CACNA2D3: variants seen among roughly 807,000 people sequenced by gnomAD.
CACNA2D3 encodes the protein calcium voltage-gated channel auxiliary subunit alpha2delta 3, also known as voltage-dependent calcium channel subunit alpha-2/delta-3.
Under a neutral mutation model 160.6 loss-of-function variants are expected in CACNA2D3, and 60 were observed. The ratio of observed to expected loss-of-function variants is 0.37; its 90% CI spans 0.30 to 0.46. The LOEUF (loss-of-function observed/expected upper bound fraction) is 0.46. Ranked by LOEUF, CACNA2D3 falls within the 20% of genes least tolerant of loss-of-function variation. CACNA2D3 has a pLI of 1.00. For missense variants in CACNA2D3, 1,205 were observed against 1,365.0 expected (o/e 0.88, Z 1.85); for synonymous variants, 558 against 492.9 (o/e 1.13, Z -1.75).
At chr3:54,289,651 CA>C (rs1294840787) in intron 2 of CACNA2D3, among the ~76,000 whole-genome samples, 2 of 152,212 alleles carry the variant, frequency 1.3e-5, no homozygotes, top group Non-Finnish European at 2.9e-5. Flanking sequence ...TACCTGACTT[CA>C]AACTATACAA....
chr3:54,776,115 C>T (rs2107120672), intron 13 of CACNA2D3, among the ~76,000 whole-genome samples: 1 of 152,254 alleles, frequency 6.6e-6, no homozygotes, highest in Non-Finnish European at 1.5e-5. Flanking sequence ...TCACTCTAGC[C>T]CATGGTTCCA....
At position 54,885,510 on chromosome 3, in the gene CACNA2D3, A is replaced by G. The variant is rs970805193; in HGVS notation, c.1980A>G (p.Leu660=). Residue 660 remains leucine (L), a synonymous_variant, in exon 23 of 38, where the codon CTA becomes CTG. Coordinates refer to ENST00000474759, the MANE Select transcript of CACNA2D3 (RefSeq NM_018398.3). The part of the protein sequence containing the change: ...ADEWSYCNTD[L]HPEHRHLSQL... ...TTAGGTCCTACTGCAACACTGACCT[A>G]CACCCTGAGCACCGCCATCTGTCTC... 1.2e-6 allele frequency: 2 copies of G among 1,613,660 alleles called. No individual in the cohort carries two copies. The highest frequency in any genetic ancestry group is 2.7e-5 in the African/African-American group (2 of 74,906).
At chr3:54,814,015 G>A (rs1036101253) in intron 13 of CACNA2D3, among the ~76,000 whole-genome samples, 2 of 151,782 alleles carry the variant, frequency 1.3e-5, no homozygotes, top group Non-Finnish European at 2.9e-5. Flanking sequence ...ACAGCCATGT[G>A]CCACCATTCC....
At chr3:55,027,786 C>T (rs1448485211) in intron 35 of CACNA2D3, among the ~76,000 whole-genome samples, 2 of 152,148 alleles carry the variant, frequency 1.3e-5, no homozygotes, top group African/African-American at 2.4e-5. Context: ...TCTCGCCTTC[C>T]GCAATGGAAC....
intron 9 of CACNA2D3, among the ~76,000 whole-genome samples, chr3:54,596,635 T>C (rs910702759): frequency 2.0e-5 from 3 of 152,062 alleles, no homozygotes; most frequent in African/African-American, 7.2e-5. Context: ...CTCTTGCTAG[T>C]ATGACCTCTT....
chr3:54,868,828 A>T (rs919308654), intron 17 of CACNA2D3, among the ~76,000 whole-genome samples: 1 of 152,222 alleles, frequency 6.6e-6, no homozygotes, highest in African/African-American at 2.4e-5. Context: ...ATTTTATTCA[A>T]TGAGCCTGTG....
intron 3 of CACNA2D3, among the ~76,000 whole-genome samples, chr3:54,358,122 G>C (rs1363334028): frequency 6.6e-6 from 1 of 152,172 alleles, no homozygotes; most frequent in Non-Finnish European, 1.5e-5. Context: ...GAAGAATATG[G>C]GAAATTGTGT....
At chr3:54,780,894 T>G (rs530624808) in intron 13 of CACNA2D3, among the ~76,000 whole-genome samples, 1 of 152,340 alleles carries the variant, frequency 6.6e-6, no homozygotes, top group East Asian at 1.9e-4. Context: ...TATTTGGCTT[T>G]CTGGTATGTA....
intron 2 of CACNA2D3, among the ~76,000 whole-genome samples, chr3:54,255,443 A>G (rs1344866429): frequency 6.6e-6 from 1 of 152,198 alleles, no homozygotes; most frequent in Non-Finnish European, 1.5e-5. Context: ...GTATTAATCT[A>G]CTTCTACTTG....
intron 17 of CACNA2D3, among the ~76,000 whole-genome samples, chr3:54,870,972 C>T (rs1699510857): frequency 1.3e-5 from 2 of 151,586 alleles, no homozygotes; most frequent in Admixed American, 6.6e-5. Flanking sequence ...GGGGATATGA[C>T]TAGATTCTTT....
At chr3:54,297,092 A>G (rs1050335329) in intron 2 of CACNA2D3, among the ~76,000 whole-genome samples, 1 of 152,186 alleles carries the variant, frequency 6.6e-6, no homozygotes, top group African/African-American at 2.4e-5. Context: ...TCTTTTAAAC[A>G]TGCACTGTTA....
At chr3:54,597,732 C>T (rs977724696) in intron 9 of CACNA2D3, among the ~76,000 whole-genome samples, 7 of 152,032 alleles carry the variant, frequency 4.6e-5, no homozygotes, top group Admixed American at 2.6e-4. Context: ...CCCTAGATCC[C>T]GAGTTGTCTA....
intron 17 of CACNA2D3, among the ~76,000 whole-genome samples, chr3:54,861,806 A>G (rs965983023): frequency 6.6e-6 from 1 of 152,144 alleles, no homozygotes; most frequent in African/African-American, 2.4e-5. Flanking sequence ...CTCTGATTAT[A>G]CTCACCCATT....
chr3:54,468,378 G>T (rs1001449396), intron 4 of CACNA2D3, among the ~76,000 whole-genome samples: 1 of 152,200 alleles, frequency 6.6e-6, no homozygotes, highest in Admixed American at 6.5e-5. Context: ...GGACTGTGCC[G>T]TGAGGAATGG....
At chr3:54,703,431 A>G (rs1352638170) in intron 11 of CACNA2D3, among the ~76,000 whole-genome samples, 1 of 152,128 alleles carries the variant, frequency 6.6e-6, no homozygotes, top group Non-Finnish European at 1.5e-5. Flanking sequence ...CTTGGGTGGT[A>G]TTACATTTTT....
At chr3:54,180,116 T>C (rs1340543898) in intron 2 of CACNA2D3, among the ~76,000 whole-genome samples, 1 of 147,966 alleles carries the variant, frequency 6.8e-6, no homozygotes, top group Non-Finnish European at 1.5e-5. Flanking sequence ...TTTTTTTTTG[T>C]TAAACCTTAT....
At chr3:54,466,270 AT>A (rs200645520) in intron 4 of CACNA2D3, among the ~76,000 whole-genome samples, 7 of 151,806 alleles carry the variant, frequency 4.6e-5, no homozygotes, top group East Asian at 1.9e-4. Flanking sequence ...TGTTGTATAA[AT>A]TTTTTTTTGA....
intron 11 of CACNA2D3, among the ~76,000 whole-genome samples, chr3:54,651,240 T>C (rs970186214): frequency 1.2e-4 from 18 of 152,188 alleles, no homozygotes; most frequent in East Asian, 1.9e-4. Context: ...AGGAACTCGT[T>C]GATCTTAGAT....
At chr3:54,555,023 C>T (rs73093861) in intron 5 of CACNA2D3, among the ~76,000 whole-genome samples, 13,705 of 151,690 alleles carry the variant, frequency 0.09, 850 homozygotes, top group Middle Eastern at 0.15. Context: ...TACAGGAGCA[C>T]ACCACCCCGC....
Sources: gnomAD v4.1 joint callset for allele counts (sites outside exome capture counted in the v4.1 genomes callset) on GRCh38, gnomAD v4.1.1 for gene constraint, MANE v1.5 for transcripts, NCBI Gene and HGNC (gene_info 2026-07-23, HGNC 2026-07-21) for gene names.